Variants in SCAI observed in about 807,000 individuals in gnomAD.
SCAI encodes suppressor of cancer cell invasion, also known as protein SCAI.
A neutral mutation model predicts 92.2 loss-of-function variants in SCAI; 24 were observed. The observed-to-expected ratio is 0.26, with a 90% confidence interval of 0.19 to 0.37. SCAI has a LOEUF of 0.37. Ranked by LOEUF, SCAI falls within the 10% of genes least tolerant of loss-of-function variation. The probability of loss-of-function intolerance (pLI) is 1.00; values close to 1 mark genes in which losing one functional copy is unlikely to be tolerated. For synonymous variants in SCAI, 261 were observed against 258.6 expected (o/e 1.01, Z -0.09); for missense variants, 450 against 736.2 (o/e 0.61, Z 4.50).
intron 17 of SCAI, chr9:124,968,419 CAGT>C (rs1221803787): frequency 8.8e-6 from 10 of 1,135,382 alleles, no homozygotes; most frequent in Non-Finnish European, 1.3e-5. Flanking sequence ...CAGTTTTTCT[CAGT>C]CCAGTCATAA....
At chr9:125,072,986 G>T (rs189201628) in intron 2 of SCAI, among the ~76,000 whole-genome samples, 75 of 150,722 alleles carry the variant, frequency 5.0e-4, no homozygotes, top group Non-Finnish European at 8.8e-4. Flanking sequence ...GAATAATGCT[G>T]CTATGAACAT....
chr9:125,002,488 G>GTTCTTTTTTTTTTTTTTTT (rs1832380924), intron 11 of SCAI, among the ~76,000 whole-genome samples: 1 of 125,106 alleles, frequency 8.0e-6, no homozygotes, highest in African/African-American at 3.2e-5. Context: ...TTTTTAGTCT[G>GTTCTTTTTTTTTTTTTTTT]TTTTTTTTTT....
At chr9:125,004,221 C>T (rs1394540557) in intron 9 of SCAI, among the ~76,000 whole-genome samples, 1 of 151,866 alleles carries the variant, frequency 6.6e-6, no homozygotes, top group Admixed American at 6.6e-5. Context: ...TTAGGTTCTA[C>T]AAACATGTTA....
chr9:124,955,595 T>G (rs968786373), intron 17 of SCAI, among the ~76,000 whole-genome samples: 4 of 151,546 alleles, frequency 2.6e-5, no homozygotes, highest in African/African-American at 9.7e-5. Context: ...CCCTCCTGAC[T>G]GGGCAACAGA....
chr9:125,133,318 G>A (rs192918997), intron 2 of SCAI, among the ~76,000 whole-genome samples: 1 of 152,156 alleles, frequency 6.6e-6, no homozygotes, highest in Non-Finnish European at 1.5e-5. Context: ...GAACCTGGGA[G>A]GCGGAGGGTG....
intron 15 of SCAI, among the ~76,000 whole-genome samples, chr9:124,973,261 C>T (rs1279065476): frequency 2.0e-5 from 3 of 152,238 alleles, no homozygotes; most frequent in Admixed American, 6.5e-5. Flanking sequence ...AATTTTGGAG[C>T]ATTTCAGATT....
chr9:125,038,517 A>G (rs1833248992), intron 3 of SCAI, among the ~76,000 whole-genome samples: 1 of 152,124 alleles, frequency 6.6e-6, no homozygotes, highest in African/African-American at 2.4e-5. Flanking sequence ...TGTTTTCTGA[A>G]TATGTCTTCT....
chr9:125,056,811 A>T (rs1833677437), intron 2 of SCAI, among the ~76,000 whole-genome samples: 1 of 152,214 alleles, frequency 6.6e-6, no homozygotes, highest in Non-Finnish European at 1.5e-5. Context: ...CACTCTACCC[A>T]ATCACTAACT....
intron 2 of SCAI, among the ~76,000 whole-genome samples, chr9:125,096,665 G>T (rs1046157620): frequency 6.6e-6 from 1 of 152,126 alleles, no homozygotes; most frequent in African/African-American, 2.4e-5. Context: ...TTCTCAGTAA[G>T]TTGTCTTCCC....
At chr9:125,052,400 G>A (rs1368684272) in intron 3 of SCAI, among the ~76,000 whole-genome samples, 12 of 152,040 alleles carry the variant, frequency 7.9e-5, no homozygotes, top group African/African-American at 2.7e-4. Context: ...GTGAAATCCC[G>A]TTTCTACTAA....
At position 124,998,301 on chromosome 9, in the gene SCAI, A is replaced by G. The variant is rs182667661; in HGVS notation, c.1244+1590T>C. Among the ~76,000 whole-genome samples, 1,214 of 152,220 alleles carry G rather than the reference A, an allele frequency of 8.0e-3. 11 individuals are homozygous for G. Among genetic ancestry groups the G allele is most frequent in the Non-Finnish European group, 0.012 (797 of 68,014 alleles). ...AACCCCATCTCTATGAAAAATAAAA[A>G]AATTAGCCAGGCGTGGTGGTGGCCA... On this transcript the variant is annotated intron_variant, in intron 13 of 17. Transcript: ENST00000336505.
intron 17 of SCAI, among the ~76,000 whole-genome samples, chr9:124,956,377 C>G (rs994787593): frequency 1.3e-5 from 2 of 152,174 alleles, no homozygotes; most frequent in African/African-American, 4.8e-5. Context: ...CGCCACCACG[C>G]CTGGCTAATT....
intron 2 of SCAI, chr9:125,065,974 A>G: frequency 1.3e-6 from 1 of 762,498 alleles, no homozygotes; most frequent in South Asian, 1.5e-5. Flanking sequence ...TTTTAAAACT[A>G]TAGCAAAAAT....
intron 2 of SCAI, among the ~76,000 whole-genome samples, chr9:125,118,578 T>A (rs867151623): frequency 2.0e-5 from 3 of 152,240 alleles, no homozygotes; most frequent in Admixed American, 6.5e-5. Flanking sequence ...ATGTGTAGAA[T>A]GTGCAGGTTT....
At chr9:125,030,587 A>G (rs1833055337) in intron 3 of SCAI, among the ~76,000 whole-genome samples, 1 of 152,182 alleles carries the variant, frequency 6.6e-6, no homozygotes, top group Non-Finnish European at 1.5e-5. Context: ...CGTTATTGCC[A>G]TAACAAACAT....
At chr9:125,034,661 A>G (rs1321580306) in intron 3 of SCAI, among the ~76,000 whole-genome samples, 2 of 152,170 alleles carry the variant, frequency 1.3e-5, no homozygotes, top group Non-Finnish European at 2.9e-5. Context: ...AGACGGGAGG[A>G]TTCATTGAGC....
rs1337305274 is a variant in SCAI, at chr9:125,122,378, CA to C, written c.98+20254del. On this transcript the variant is annotated intron_variant, in intron 2 of 17. Coordinates refer to ENST00000336505, the MANE Select transcript of SCAI (RefSeq NM_001144877.3). ...GGTCGAGGCGGGTGGACCACGAGGT[CA>C]GGAGTTCAAGACCAGCCTGGCCAAG... Among the ~76,000 whole-genome samples the C allele has an allele frequency of 9.2e-5, 14 of 151,880 alleles. 1 individual carries two copies. In the South Asian group the frequency reaches 2.9e-3, roughly 32 times the overall value.
chr9:125,133,244 A>T (rs1210341650), intron 2 of SCAI, among the ~76,000 whole-genome samples: 1 of 151,678 alleles, frequency 6.6e-6, no homozygotes. Flanking sequence ...ACAAAAATTC[A>T]CCGGGTGTGG....
chr9:125,037,775 G>A (rs545359425), intron 3 of SCAI, among the ~76,000 whole-genome samples: 2 of 152,058 alleles, frequency 1.3e-5, no homozygotes, highest in South Asian at 4.2e-4. Context: ...TATTAGCTGG[G>A]TCTGGTGGCG....
Sources: gnomAD v4.1 joint callset for allele counts (sites outside exome capture counted in the v4.1 genomes callset) on GRCh38, gnomAD v4.1.1 for gene constraint, MANE v1.5 for transcripts, NCBI Gene and HGNC (gene_info 2026-07-23, HGNC 2026-07-21) for gene names.